FAM120B: variants seen among roughly 807,000 people sequenced by gnomAD.
FAM120B encodes the protein family with sequence similarity 120 member B.
FAM120B carries 83 observed loss-of-function variants against 96.3 expected under a neutral mutation model. The observed-to-expected ratio is 0.86, with a 90% CI of 0.72 to 1.03. FAM120B has a LOEUF of 1.03. FAM120B is among the 50% of genes least tolerant of loss of function. FAM120B has a pLI of 0.00. For missense variants in FAM120B, 1,027 were observed against 1,121.2 expected, an observed-to-expected ratio of 0.92 and a Z score of 1.20; for synonymous variants, 407 against 402.7, an observed-to-expected ratio of 1.01 and a Z score of -0.13.
chr6:170,366,499 T>C (rs1788807326), intron 6 of FAM120B, among the ~76,000 whole-genome samples: 1 of 151,520 alleles, frequency 6.6e-6, no homozygotes, highest in South Asian at 2.1e-4. Flanking sequence ...TGAGGGAGAG[T>C]GGCGTGTGAG....
chr6:170,389,104 G>A (rs1390789600), intron 7 of FAM120B, among the ~76,000 whole-genome samples: 1 of 152,136 alleles, frequency 6.6e-6, no homozygotes, highest in Non-Finnish European at 1.5e-5. Context: ...GCGTGGCAGA[G>A]GCAGAAGAAG....
rs764210885 is a variant in FAM120B, at chr6:170,317,643, T to A, written c.253T>A (p.Leu85Met). The stretch of plus-strand genomic sequence containing the variant: ...AACTTTTACGGCAGCTGGGATCAAG[T>A]TGATATTCTTCTTTGATGGCATGGT... Reference protein sequence around the residue: ...VKTFTAAGIKLIFFFDGMVEQ... With the variant: ...VKTFTAAGIKMIFFFDGMVEQ... The change falls in exon 2 of 11, where the codon TTG becomes ATG. Residue 85 changes from leucine (L) to methionine (M), a missense_variant. By Grantham distance (15) the Leu-to-Met change is conservative (BLOSUM62 2). This residue lies in a region of FAM120B where 880 missense variants were observed against 980.9 expected (regional missense o/e 0.90). Coordinates refer to ENST00000476287, the MANE Select transcript of FAM120B (RefSeq NM_032448.3). 2 of 1,614,204 alleles carry A rather than the reference T, an allele frequency of 1.2e-6. No individual in the cohort carries two copies. Among genetic ancestry groups the A allele is most frequent in the Non-Finnish European group, 1.7e-6 (2 of 1,180,034 alleles).
intron 7 of FAM120B, 58 bp downstream of exon 7, chr6:170,388,551 A>G: frequency 7.0e-7 from 1 of 1,427,624 alleles, no homozygotes; most frequent in Admixed American, 1.7e-5. Context: ...CAGGCTGCAC[A>G]AAAAACATGA....
rs192028041 is a variant in FAM120B at position 170,312,866 on chromosome 6, T to G, written c.-21-4504T>G. On this transcript the variant is annotated intron_variant, in intron 1 of 10. Transcript: ENST00000476287. Reference sequence around the variant, plus strand: ...GTGAAGGGGTGAGGGGATGGGAAATTTCTAAGGGAAGACATCAGGGATAGG... The same window carrying G: ...GTGAAGGGGTGAGGGGATGGGAAATGTCTAAGGGAAGACATCAGGGATAGG... 3.6e-3 allele frequency among the ~76,000 whole-genome samples: 549 copies of G among 152,192 alleles called. 2 individuals carry two copies. The highest frequency in any genetic ancestry group is 0.012 in the African/African-American group (502 of 41,530).
intron 7 of FAM120B, among the ~76,000 whole-genome samples, chr6:170,390,408 A>G (rs1343743471): frequency 1.3e-5 from 2 of 152,142 alleles, no homozygotes; most frequent in African/African-American, 4.8e-5. Flanking sequence ...AAGTCATTCC[A>G]TCAAGGATCT....
At chr6:170,401,949 G>T (rs970714049) in intron 9 of FAM120B, among the ~76,000 whole-genome samples, 114 of 152,230 alleles carry the variant, frequency 7.5e-4, no homozygotes, top group African/African-American at 2.6e-3. Flanking sequence ...TGCATGAGTG[G>T]CCACAGGCCT....
chr6:170,331,606 T>C (rs1786041483), intron 4 of FAM120B, among the ~76,000 whole-genome samples: 2 of 152,232 alleles, frequency 1.3e-5, no homozygotes, highest in Admixed American at 1.3e-4. Flanking sequence ...AATGTTTTAT[T>C]ATATATGTAT....
intron 2 of FAM120B, among the ~76,000 whole-genome samples, chr6:170,322,164 C>T (rs74681791): frequency 0.018 from 2,695 of 152,336 alleles, 82 homozygotes; most frequent in African/African-American, 0.061. Context: ...TGAGCCAGCA[C>T]TGTCTTGACA....
rs916886557 is a variant in FAM120B at position 170,370,301 on chromosome 6, A to G, written c.2283+11983A>G. Among the ~76,000 whole-genome samples, 7 of 152,192 alleles carry G rather than the reference A, an allele frequency of 4.6e-5. No homozygotes were observed. The highest frequency in any genetic ancestry group is 1.4e-4 in the African/African-American group (6 of 41,446). On this transcript the variant is annotated intron_variant, in intron 6 of 10. Transcript: ENST00000476287. This position sits in a 1 kb window ranked among gnomAD's most constrained non-coding sequence, Gnocchi z 4.3. Reference sequence around the variant, plus strand: ...AGTCCATGCAGACCTTTCTTTTCTGAGACGCAGCTACGTCCCCGAGCTCTT... The same window carrying G: ...AGTCCATGCAGACCTTTCTTTTCTGGGACGCAGCTACGTCCCCGAGCTCTT...
At chr6:170,398,881 C>T (rs1191685193) in intron 9 of FAM120B, among the ~76,000 whole-genome samples, 335 of 147,772 alleles carry the variant, frequency 2.3e-3, no homozygotes, top group African/African-American at 8.4e-3. Context: ...AGAACTATGT[C>T]ATAACTTAGG....
At chr6:170,298,518 CTTTTTTTT>C (rs796314508) in intron 1 of FAM120B, 5 of 139,456 alleles carry the variant, frequency 3.6e-5, no homozygotes, top group Admixed American at 2.1e-4. Flanking sequence ...GCAATATTTT[CTTTTTTTT>C]TTTTTTTTGT....
intron 1 of FAM120B, among the ~76,000 whole-genome samples, chr6:170,314,415 AAGAC>A (rs1467609648): frequency 6.6e-6 from 1 of 152,228 alleles, no homozygotes; most frequent in Non-Finnish European, 1.5e-5. Context: ...GTGCTGGAAT[AAGAC>A]AGGATGGTGA....
At chr6:170,397,537 G>T (rs1194755795) in intron 9 of FAM120B, among the ~76,000 whole-genome samples, 1 of 152,134 alleles carries the variant, frequency 6.6e-6, no homozygotes, top group Non-Finnish European at 1.5e-5. Context: ...GCTTGACCCA[G>T]GTGATTGCAG....
At chr6:170,361,218 A>ATACGTG (rs1788389699) in intron 6 of FAM120B, among the ~76,000 whole-genome samples, 1 of 108,878 alleles carries the variant, frequency 9.2e-6, no homozygotes, top group African/African-American at 3.4e-5. Context: ...ATATATATAT[A>ATACGTG]TATATATATA....
In FAM120B at chr6:170,363,948, G is replaced by T. The variant is rs1457181065; in HGVS notation, c.2283+5630G>T. 6.6e-6 allele frequency among the ~76,000 whole-genome samples: 1 copy of T among 152,084 alleles called. No individual in the cohort carries two copies. Among genetic ancestry groups the T allele is most frequent in the Non-Finnish European group, 1.5e-5 (1 of 68,022 alleles). On this transcript the variant is annotated intron_variant, in intron 6 of 10. Coordinates refer to ENST00000476287, the MANE Select transcript of FAM120B (RefSeq NM_032448.3). This position sits in a 1 kb window ranked among gnomAD's most constrained non-coding sequence, Gnocchi z 4.5. ...GGGTTTTACCATGTTGGCCAGACTG[G>T]TCTGGAACTCCTGACCTTCAGTGAT...
chr6:170,313,961 C>A (rs376769049), intron 1 of FAM120B, among the ~76,000 whole-genome samples: 20 of 152,236 alleles, frequency 1.3e-4, no homozygotes, highest in African/African-American at 3.9e-4. Context: ...GATGAGTCTT[C>A]CTCACTGTGT....
chr6:170,304,078 A>C (rs1015919237), upstream of FAM120B, among the ~76,000 whole-genome samples: 1 of 152,204 alleles, frequency 6.6e-6, no homozygotes, highest in African/African-American at 2.4e-5. Flanking sequence ...TTAGGTCCCA[A>C]ATATTATCCT....
At chr6:170,329,371 C>G (rs761880486) in intron 3 of FAM120B, among the ~76,000 whole-genome samples, 1 of 152,190 alleles carries the variant, frequency 6.6e-6, no homozygotes, top group Non-Finnish European at 1.5e-5. Flanking sequence ...GCCCATTGTC[C>G]GTCACATGAA....
intron 6 of FAM120B, among the ~76,000 whole-genome samples, chr6:170,367,012 T>TCAC (rs909212903): frequency 6.6e-6 from 1 of 152,210 alleles, no homozygotes; most frequent in African/African-American, 2.4e-5. Flanking sequence ...CCTTTTCTTC[T>TCAC]CACCAGAAAC....
Sources: allele counts gnomAD v4.1 joint callset (sites outside exome capture counted in the v4.1 genomes callset), GRCh38; gene constraint gnomAD v4.1.1; regional missense constraint gnomAD v4.1.1; non-coding constraint Gnocchi (gnomAD v3.1); transcripts MANE v1.5; gene names NCBI Gene and HGNC (gene_info 2026-07-23, HGNC 2026-07-21).